Variants in SPMIP2 observed in about 807,000 individuals in gnomAD.
SPMIP2 encodes the protein sperm microtubule inner protein 2.
chr4:159,004,946 C>A, the SPMIP2 span, among the ~76,000 whole-genome samples: 1 of 151,842 alleles, frequency 6.6e-6, no homozygotes, highest in South Asian at 2.1e-4. Flanking sequence ...TTTTAAAAAA[C>A]CATCGGCCAG....
the SPMIP2 span, among the ~76,000 whole-genome samples, chr4:159,033,638 T>G: frequency 6.6e-6 from 1 of 152,148 alleles, no homozygotes; most frequent in South Asian, 2.1e-4. Context: ...GAATTGCAGA[T>G]AAGCAGTGTA....
chr4:158,919,682 G>A, the SPMIP2 span, among the ~76,000 whole-genome samples: 1 of 152,176 alleles, frequency 6.6e-6, no homozygotes, highest in Non-Finnish European at 1.5e-5. Context: ...ATGAAATGTT[G>A]TATTTGTTTA....
the SPMIP2 span, among the ~76,000 whole-genome samples, chr4:159,033,998 G>A: frequency 6.6e-6 from 1 of 152,150 alleles, no homozygotes; most frequent in Non-Finnish European, 1.5e-5. Context: ...ACAACCACAT[G>A]TGGTGGCATG....
chr4:158,896,594 A>G, the SPMIP2 span, among the ~76,000 whole-genome samples: 1 of 152,124 alleles, frequency 6.6e-6, no homozygotes, highest in Non-Finnish European at 1.5e-5. Context: ...TAAGCCTCCT[A>G]AGAGACTGGG....
At chr4:159,012,521 T>C in the SPMIP2 span, among the ~76,000 whole-genome samples, 147 of 151,800 alleles carry the variant, frequency 9.7e-4, 1 homozygote, top group Middle Eastern at 3.4e-3. Context: ...AGGGAAGGAG[T>C]GGCAGCATTT....
the SPMIP2 span, chr4:158,904,578 A>G: frequency 5.8e-6 from 9 of 1,563,020 alleles, no homozygotes; most frequent in African/African-American, 2.7e-5. Context: ...CTTGGAAGAA[A>G]AAAATCAAAT....
At chr4:159,009,180 C>A in the SPMIP2 span, among the ~76,000 whole-genome samples, 2 of 152,216 alleles carry the variant, frequency 1.3e-5, no homozygotes, top group Admixed American at 1.3e-4. Flanking sequence ...CAAATAAATA[C>A]TTTGCATGAT....
the SPMIP2 span, chr4:159,026,443 A>T: frequency 1.1e-6 from 1 of 928,688 alleles, no homozygotes; most frequent in South Asian, 1.3e-5. Context: ...CACAATAACA[A>T]GAAAATTGAA....
chr4:158,948,887 AG>A, the SPMIP2 span, among the ~76,000 whole-genome samples: 1 of 152,118 alleles, frequency 6.6e-6, no homozygotes, highest in Non-Finnish European at 1.5e-5. Context: ...TACAGGCAAG[AG>A]CCACCGTGCC....
At chr4:158,912,984 A>G in the SPMIP2 span, among the ~76,000 whole-genome samples, 2 of 152,164 alleles carry the variant, frequency 1.3e-5, no homozygotes, top group African/African-American at 2.4e-5. Flanking sequence ...CCTGACAAAA[A>G]CACGTAACCT....
At chr4:158,985,888 T>C in the SPMIP2 span, among the ~76,000 whole-genome samples, 4 of 151,792 alleles carry the variant, frequency 2.6e-5, no homozygotes, top group South Asian at 2.1e-4. Context: ...GAAAACCCCA[T>C]TGTCTCAGCC....
chr4:159,016,897 G>A, the SPMIP2 span, among the ~76,000 whole-genome samples: 1 of 152,144 alleles, frequency 6.6e-6, no homozygotes, highest in Admixed American at 6.6e-5. Context: ...GCAAATCTCT[G>A]TCTCTTCCAA....
At chr4:159,022,776 A>G in the SPMIP2 span, among the ~76,000 whole-genome samples, 34 of 152,208 alleles carry the variant, frequency 2.2e-4, no homozygotes, top group African/African-American at 8.0e-4. Context: ...TCACGCCTGT[A>G]ATCCCAGCAC....
chr4:158,920,379 T>C, the SPMIP2 span, among the ~76,000 whole-genome samples: 6 of 152,180 alleles, frequency 3.9e-5, no homozygotes, highest in Non-Finnish European at 7.3e-5. Flanking sequence ...AAAAGAGCCA[T>C]ATTTTTCTTC....
the SPMIP2 span, among the ~76,000 whole-genome samples, chr4:159,071,599 G>T: frequency 6.6e-6 from 1 of 152,188 alleles, no homozygotes; most frequent in East Asian, 1.9e-4. Flanking sequence ...CCCTTCCCAA[G>T]CCCTGAAAAC....
At chr4:158,920,888 C>T in the SPMIP2 span, among the ~76,000 whole-genome samples, 9 of 152,218 alleles carry the variant, frequency 5.9e-5, no homozygotes, top group Middle Eastern at 3.4e-3. Flanking sequence ...GTTCTTACAC[C>T]CCCTCCCCTT....
the SPMIP2 span, among the ~76,000 whole-genome samples, chr4:159,018,464 T>A: frequency 6.6e-6 from 1 of 152,230 alleles, no homozygotes; most frequent in Non-Finnish European, 1.5e-5. Context: ...AGGCACTATG[T>A]TGTTTTCTAG....
chr4:158,983,484 A>C, the SPMIP2 span, among the ~76,000 whole-genome samples: 1 of 151,896 alleles, frequency 6.6e-6, no homozygotes, highest in Admixed American at 6.6e-5. Flanking sequence ...TCTGCAAGCC[A>C]GAAGAGACTG....
chr4:159,074,953 G>A, the SPMIP2 span, among the ~76,000 whole-genome samples: 2 of 152,158 alleles, frequency 1.3e-5, no homozygotes, highest in African/African-American at 4.8e-5. Context: ...AAGAGCAAGG[G>A]CCTTACCAAT....
Sources: gnomAD v4.1 joint callset for allele counts (sites outside exome capture counted in the v4.1 genomes callset) on GRCh38, gnomAD v4.1.1 for gene constraint, MANE v1.5 for transcripts, NCBI Gene and HGNC (gene_info 2026-07-23, HGNC 2026-07-21) for gene names.